The following ITPR1 variants were observed in gnomAD, a reference collection of about 807,000 sequenced individuals.
ITPR1 encodes inositol 1,4,5-trisphosphate-gated calcium channel ITPR1.
A neutral mutation model predicts 318.4 loss-of-function variants in ITPR1; 96 were observed. The observed-to-expected ratio is 0.30, with a 90% CI of 0.26 to 0.36. The LOEUF is 0.36. ITPR1 is among the 10% of genes least tolerant of loss of function. The probability of loss-of-function intolerance (pLI) is 1.00; values close to 1 mark genes in which losing one functional copy is unlikely to be tolerated. For synonymous variants in ITPR1, 1,312 were observed against 1,289.9 expected (o/e 1.02, Z -0.37); for missense variants, 2,440 against 3,460.2 (o/e 0.71, Z 7.40).
intron 7 of ITPR1, 143 bp from the exon 8 acceptor site, chr3:4,643,993 G>C (rs769115716): frequency 1.5e-4 from 91 of 615,466 alleles, no homozygotes; most frequent in Non-Finnish European, 2.4e-4. Context: ...AAGAAGGCGT[G>C]GTGTGTGCTA....
chr3:4,614,390 A>G (rs975523760), intron 4 of ITPR1, among the ~76,000 whole-genome samples: 11 of 152,208 alleles, frequency 7.2e-5, no homozygotes, highest in African/African-American at 1.9e-4. Context: ...TATCCCTTCT[A>G]TCATACCATA....
chr3:4,800,237 G>A, intron 53 of ITPR1, 188 bp from the exon 54 acceptor site: 1 of 553,606 alleles, frequency 1.8e-6, no homozygotes, highest in Non-Finnish European at 3.1e-6. Context: ...AGGAGCATGT[G>A]TGGAGGCTTG....
At chr3:4,509,881 T>C (rs776684685) in intron 2 of ITPR1, among the ~76,000 whole-genome samples, 13 of 152,228 alleles carry the variant, frequency 8.5e-5, no homozygotes, top group African/African-American at 1.7e-4. Flanking sequence ...GACTGCTTGC[T>C]CTATCCCAGG....
At chr3:4,835,581 G>T (rs2050846340) in intron 60 of ITPR1, among the ~76,000 whole-genome samples, 1 of 150,426 alleles carries the variant, frequency 6.6e-6, no homozygotes, top group Non-Finnish European at 1.5e-5. Flanking sequence ...TGTGTGTGTG[G>T]GAGGGGGCTT....
intron 4 of ITPR1, among the ~76,000 whole-genome samples, chr3:4,619,476 T>C: frequency 6.7e-6 from 1 of 150,120 alleles, no homozygotes; most frequent in Non-Finnish European, 1.5e-5. Context: ...CTTACCTACC[T>C]CTCTCCTCAC....
chr3:4,645,738 G>T lies in ITPR1; in HGVS notation c.855+10G>T. On this transcript the variant is annotated intron_variant, in intron 10 of 61. Transcript: ENST00000649015. Reference sequence around the variant, plus strand: ...CCTGTGGGAGGTGGAGGTAAGGGTAGGGTGGAGAAAGGGCTCCTGGGTTTA... The same window carrying T: ...CCTGTGGGAGGTGGAGGTAAGGGTATGGTGGAGAAAGGGCTCCTGGGTTTA... The T allele has an allele frequency of 6.2e-7, 1 of 1,611,074 alleles. No homozygotes were observed. The highest frequency in any genetic ancestry group is 2.2e-5 in the East Asian group (1 of 44,848).
intron 4 of ITPR1, among the ~76,000 whole-genome samples, chr3:4,597,239 C>T (rs1395128203): frequency 6.6e-6 from 1 of 152,180 alleles, no homozygotes; most frequent in Non-Finnish European, 1.5e-5. Context: ...CTGTTTAAAA[C>T]ATTGTGTAGG....
Position 4,672,575 on chromosome 3 carries a change from TAAC to T in ITPR1, c.2205-556_2205-554del, listed in dbSNP as rs1308195912. Among the ~76,000 whole-genome samples the T allele has an allele frequency of 7.2e-5, 11 of 152,370 alleles. No homozygotes were observed. The East Asian group carries it at 2.1e-3, about 29-fold the overall frequency. On this transcript the variant is annotated intron_variant, in intron 20 of 61. Coordinates refer to ENST00000649015, the MANE Select transcript of ITPR1 (RefSeq NM_001378452.1). ...GTGCCTTAATTGGTCAGGTTCCAGT[TAAC>T]AACATTCACTTGCAATTGGATGAAG...
chr3:4,616,425 T>A (rs9828126), intron 4 of ITPR1, among the ~76,000 whole-genome samples: 9,023 of 152,304 alleles, frequency 0.059, 367 homozygotes, highest in Non-Finnish European at 0.089. Flanking sequence ...CCCTCTTCCC[T>A]GTGTTAATCA....
chr3:4,680,300 A>G (rs995772777), intron 24 of ITPR1, among the ~76,000 whole-genome samples: 1 of 152,146 alleles, frequency 6.6e-6, no homozygotes, highest in Non-Finnish European at 1.5e-5. Flanking sequence ...TAGTGTTCCA[A>G]TTGTTAAATT....
chr3:4,614,611 T>C (rs1298239106), intron 4 of ITPR1, among the ~76,000 whole-genome samples: 1 of 152,234 alleles, frequency 6.6e-6, no homozygotes, highest in Admixed American at 6.5e-5. Flanking sequence ...ACCCAGTCCG[T>C]CAGGTTCTAG....
intron 2 of ITPR1, among the ~76,000 whole-genome samples, chr3:4,514,520 ACAG>A (rs1431990297): frequency 6.6e-6 from 1 of 152,136 alleles, no homozygotes; most frequent in Non-Finnish European, 1.5e-5. Context: ...GGTTCACAAA[ACAG>A]CAGGCATTTT....
intron 4 of ITPR1, among the ~76,000 whole-genome samples, chr3:4,604,520 G>A (rs183422997): frequency 4.1e-4 from 63 of 152,296 alleles, no homozygotes; most frequent in Non-Finnish European, 7.6e-4. Context: ...TGGGATCAGC[G>A]AGGAGATGAG....
chr3:4,525,303 G>T (rs2082891056), intron 4 of ITPR1, among the ~76,000 whole-genome samples: 1 of 152,224 alleles, frequency 6.6e-6, no homozygotes, highest in African/African-American at 2.4e-5. Context: ...GTACACAGTA[G>T]TTGTTCAGTG....
intron 45 of ITPR1, among the ~76,000 whole-genome samples, chr3:4,767,204 T>G (rs2045873849): frequency 6.6e-6 from 1 of 152,238 alleles, no homozygotes; most frequent in Non-Finnish European, 1.5e-5. Flanking sequence ...AGCCTCACGT[T>G]TCAAGTTTAG....
chr3:4,836,200 G>A (rs1319500543), intron 60 of ITPR1, among the ~76,000 whole-genome samples: 2 of 152,136 alleles, frequency 1.3e-5, no homozygotes, highest in Non-Finnish European at 2.9e-5. Flanking sequence ...GAGGCCCCTG[G>A]AGCAGTCAAA....
chr3:4,532,720 A>G (rs2083522030), intron 4 of ITPR1, among the ~76,000 whole-genome samples: 1 of 152,192 alleles, frequency 6.6e-6, no homozygotes, highest in Non-Finnish European at 1.5e-5. Flanking sequence ...GGCTCTCGGG[A>G]GCCACTGACT....
chr3:4,620,557 T>C (rs185559997), intron 4 of ITPR1, among the ~76,000 whole-genome samples: 1 of 152,306 alleles, frequency 6.6e-6, no homozygotes, highest in East Asian at 1.9e-4. Flanking sequence ...GGCCTCACTT[T>C]ACTTCATCTG....
At chr3:4,835,276 ATAT>A (rs1259814265) in intron 60 of ITPR1, among the ~76,000 whole-genome samples, 3 of 152,228 alleles carry the variant, frequency 2.0e-5, no homozygotes, top group Non-Finnish European at 4.4e-5. Flanking sequence ...TTGAGTTGTA[ATAT>A]TTAGACATGT....
Sources: allele counts gnomAD v4.1 joint callset (sites outside exome capture counted in the v4.1 genomes callset), GRCh38; gene constraint gnomAD v4.1.1; transcripts MANE v1.5; gene names NCBI Gene and HGNC (gene_info 2026-07-23, HGNC 2026-07-21).